The following ATXN10 variants were observed in gnomAD, a reference collection of about 807,000 sequenced individuals.
The protein encoded by ATXN10 is ataxin-10.
Under a neutral mutation model 52.9 loss-of-function variants are expected in ATXN10, and 28 were observed. That is an observed-to-expected ratio of 0.53 (90% CI 0.39 to 0.73). The LOEUF is 0.73. Ranked by LOEUF, ATXN10 falls within the 30% of genes least tolerant of loss-of-function variation. The pLI is 0.00. For missense variants in ATXN10, 565 were observed against 577.0 expected (o/e 0.98, Z 0.21); for synonymous variants, 226 against 221.5 (o/e 1.02, Z -0.18).
chr22:45,704,106 C>G (rs909183564), intron 5 of ATXN10: 5 of 149,374 alleles, frequency 3.3e-5, no homozygotes, highest in African/African-American at 1.2e-4. Flanking sequence ...TTTGTAAGTG[C>G]CTGAGGCTCT....
In ATXN10 at chr22:45,774,907, G is replaced by A. The variant is rs1601638187; in HGVS notation, c.1174-32052G>A. Among the ~76,000 whole-genome samples, 3 of 152,082 alleles carry A rather than the reference G, an allele frequency of 2.0e-5. No homozygotes were observed. Among genetic ancestry groups the A allele is most frequent in the Admixed American group, 1.3e-4 (2 of 15,268 alleles). On this transcript the variant is annotated intron_variant, in intron 9 of 11. Transcript: ENST00000252934. The surrounding 1 kb of genome is among the most constrained non-coding windows in gnomAD (Gnocchi z 6.2). ...GTGAGCCAAGATCACGCCAGTGCAC[G>A]CCAGCCTGGGTGACAGAGTGAGACT...
chr22:45,837,372 T>C lies in ATXN10; in HGVS notation c.1238-5619T>C, dbSNP rs751042480. On this transcript the variant is annotated intron_variant, in intron 10 of 11. Transcript: ENST00000252934. The surrounding 1 kb of genome is among the most constrained non-coding windows in gnomAD (Gnocchi z 5.8). ...CCTCCCGGGTTTAAGCGATTTCTCCTGCCTCAGCCTCCCGAGTAGCTGGGA... is the reference window on the plus strand; with the variant it reads ...CCTCCCGGGTTTAAGCGATTTCTCCCGCCTCAGCCTCCCGAGTAGCTGGGA... 6.6e-6 allele frequency among the ~76,000 whole-genome samples: 1 copy of C among 152,136 alleles called. No individual in the cohort carries two copies. Among genetic ancestry groups the C allele is most frequent in the Non-Finnish European group, 1.5e-5 (1 of 68,028 alleles).
chr22:45,776,559 A>T (rs1359263149), intron 9 of ATXN10, among the ~76,000 whole-genome samples: 1 of 150,864 alleles, frequency 6.6e-6, no homozygotes, highest in East Asian at 1.9e-4. Flanking sequence ...AATTAAACTG[A>T]TATGGAAGAG....
At chr22:45,702,617 G>A (rs1245915314) in intron 4 of ATXN10, 72 bp from the exon 5 acceptor site, 2 of 1,417,834 alleles carry the variant, frequency 1.4e-6, no homozygotes, top group Non-Finnish European at 9.9e-7. Context: ...ATTTGACAAT[G>A]GTATTACTGT....
At chr22:45,793,541 C>G (rs1927592815) in intron 9 of ATXN10, 28 of 1,251,884 alleles carry the variant, frequency 2.2e-5, no homozygotes, top group Non-Finnish European at 2.8e-5. Context: ...ATAATTCTGT[C>G]AAGCTCTTCA....
At position 45,835,655 on chromosome 22, in the gene ATXN10, GGCCTAGA is replaced by G. The variant is rs1929142932; in HGVS notation, c.1238-7335_1238-7329del. Among the ~76,000 whole-genome samples, 1 of 152,204 alleles carries G rather than the reference GGCCTAGA, an allele frequency of 6.6e-6. No individual in the cohort carries two copies. The highest frequency in any genetic ancestry group is 1.5e-5 in the Non-Finnish European group (1 of 68,040). On this transcript the variant is annotated intron_variant, in intron 10 of 11. Coordinates refer to ENST00000252934, the MANE Select transcript of ATXN10 (RefSeq NM_013236.4). The surrounding 1 kb of genome is among the most constrained non-coding windows in gnomAD (Gnocchi z 5.0). ...GGGGCCTATGTACCACTTCCCTTAC[GGCCTAGA>G]AGCCGATTAGCAGCCTCAGCTTTCA...
chr22:45,778,909 A>G lies in ATXN10; in HGVS notation c.1174-28050A>G, dbSNP rs551629486. On this transcript the variant is annotated intron_variant, in intron 9 of 11. Coordinates refer to ENST00000252934, the MANE Select transcript of ATXN10 (RefSeq NM_013236.4). The stretch of plus-strand genomic sequence containing the variant: ...AGGTCCTAGGATGTGAGCACTCTCC[A>G]TCTTGGCACTCAGGCATGTCTGGTG... Among the ~76,000 whole-genome samples the G allele has an allele frequency of 3.1e-4, 47 of 152,322 alleles. No homozygotes were observed. The East Asian group carries it at 8.9e-3, about 29-fold the overall frequency.
chr22:45,801,046 C>T (rs886811785), intron 9 of ATXN10, among the ~76,000 whole-genome samples: 14 of 152,234 alleles, frequency 9.2e-5, no homozygotes, highest in Admixed American at 6.5e-4. Context: ...GTAAAGAAAA[C>T]GAAGCACCAA....
intron 9 of ATXN10, among the ~76,000 whole-genome samples, chr22:45,753,928 GC>G (rs1926084135): frequency 6.6e-6 from 1 of 152,126 alleles, no homozygotes; most frequent in African/African-American, 2.4e-5. Flanking sequence ...CTTTGTCTCT[GC>G]CCTTTGTAAG....
intron 3 of ATXN10, among the ~76,000 whole-genome samples, chr22:45,699,348 T>C (rs1923743634): frequency 6.6e-6 from 1 of 152,146 alleles, no homozygotes; most frequent in Admixed American, 6.5e-5. Context: ...GCATTAATCT[T>C]ATGTGCCTGA....
chr22:45,758,864 T>C (rs1406050811), intron 9 of ATXN10, among the ~76,000 whole-genome samples: 1 of 152,242 alleles, frequency 6.6e-6, no homozygotes, highest in African/African-American at 2.4e-5. Context: ...TGCTGTGTTA[T>C]GCATACCAAG....
intron 7 of ATXN10, among the ~76,000 whole-genome samples, chr22:45,735,029 C>A (rs538722841): frequency 1.3e-5 from 2 of 152,082 alleles, no homozygotes; most frequent in South Asian, 4.2e-4. Context: ...CAGGCACCCA[C>A]CACCATGTCC....
rs139617843 is a variant in ATXN10, at chr22:45,762,759, A to G, written c.1173+22221A>G. ...CACATGGCCCCAGCCATCTCTCCAC[A>G]TCCTCCCCTCCCTGCTGTGGAGCCC... is the stretch of plus-strand genomic sequence containing the variant. On this transcript the variant is annotated intron_variant, in intron 9 of 11. Transcript: ENST00000252934. The surrounding 1 kb of genome is among the most constrained non-coding windows in gnomAD (Gnocchi z 4.3). Among the ~76,000 whole-genome samples, 734 of 151,938 alleles carry G rather than the reference A, an allele frequency of 4.8e-3. 7 individuals carry two copies. Among genetic ancestry groups the G allele is most frequent in the African/African-American group, 0.017 (706 of 41,472 alleles).
rs988277873 is a variant in ATXN10, at chr22:45,671,940, C to T, written c.-124C>T. 5 of 1,112,534 alleles carry T rather than the reference C, an allele frequency of 4.5e-6. No homozygotes were observed. The African/African-American group carries it at 4.8e-5, about 11-fold the overall frequency. 68.9% of individuals were successfully genotyped at this position (1,112,534 alleles called of 1,614,324 possible). A position where few individuals can be genotyped will look rare whatever the true frequency, so the allele number is the denominator to read the frequency against. On this transcript the variant is annotated 5_prime_UTR_variant, in exon 1 of 12. Transcript: ENST00000252934. ...GCTGCAGCGGCGGCGGCGGTTAGGG[C>T]TGTGTAGGGCGAGGCCTCCCCCTTC...
At position 45,843,466 on chromosome 22, in the gene ATXN10, A is replaced by G. The variant is rs1412931325; in HGVS notation, c.1426-203A>G. 6.6e-6 allele frequency among the ~76,000 whole-genome samples: 1 copy of G among 152,242 alleles called. No individual in the cohort carries two copies. The highest frequency in any genetic ancestry group is 1.5e-5 in the Non-Finnish European group (1 of 68,036). On this transcript the variant is annotated intron_variant, in intron 11 of 11. Transcript: ENST00000252934. The surrounding 1 kb of genome is among the most constrained non-coding windows in gnomAD (Gnocchi z 4.5). ...GTCTAAAAGTAAGTTACTCATAGGA[A>G]TTAGATTTTCTTTAAAAGATAGTTA...
In ATXN10 at chr22:45,757,032, G is replaced by A. The variant is rs1381950662; in HGVS notation, c.1173+16494G>A. Among the ~76,000 whole-genome samples, 1 of 152,130 alleles carries A rather than the reference G, an allele frequency of 6.6e-6. No homozygotes were observed. Among genetic ancestry groups the A allele is most frequent in the Admixed American group, 6.6e-5 (1 of 15,262 alleles). ...TGGAGAAGAACCAGACGAGAGACAC[G>A]GTTCCAGATGCTTTCCCAAGTGGCT... is the stretch of plus-strand genomic sequence containing the variant. On this transcript the variant is annotated intron_variant, in intron 9 of 11. Coordinates refer to ENST00000252934, the MANE Select transcript of ATXN10 (RefSeq NM_013236.4). The surrounding 1 kb of genome is among the most constrained non-coding windows in gnomAD (Gnocchi z 4.6).
chr22:45,740,432 G>A lies in ATXN10; in HGVS notation c.1067G>A (p.Cys356Tyr). Residue 356 changes from cysteine to tyrosine, a missense_variant, in exon 9 of 12, where the codon TGC becomes TAC. Transcript: ENST00000252934. ...ETTNIFSNCG[C>Y]VRAEGDISNV... ...ACAAACATCTTCAGTAATTGTGGTT[G>A]CGTGAGAGCAGAAGGTGACATCTCC... 6.2e-7 allele frequency: 1 copy of A among 1,613,948 alleles called. No individual in the cohort carries two copies. The highest frequency in any genetic ancestry group is 8.5e-7 in the Non-Finnish European group (1 of 1,179,932).
At chr22:45,673,393 C>T (rs970950439) in intron 1 of ATXN10, 2 of 152,256 alleles carry the variant, frequency 1.3e-5, no homozygotes, top group South Asian at 4.1e-4. Context: ...TGAGCACTTC[C>T]TTTACCTCAC....
intron 8 of ATXN10, 31 bp downstream of exon 8, chr22:45,738,870 G>A: frequency 6.4e-7 from 1 of 1,559,736 alleles, no homozygotes. Flanking sequence ...TGTATTTTTA[G>A]CTAAGAAATC....
Sources: gnomAD v4.1 joint callset for allele counts (sites outside exome capture counted in the v4.1 genomes callset) on GRCh38, gnomAD v4.1.1 for gene constraint, Gnocchi (gnomAD v3.1) non-coding constraint, MANE v1.5 for transcripts, NCBI Gene and HGNC (gene_info 2026-07-23, HGNC 2026-07-21) for gene names.